Variants in NLRP4 observed in about 807,000 individuals in gnomAD.
The protein encoded by NLRP4 is NLR family pyrin domain containing 4.
A neutral mutation model predicts 84.7 loss-of-function variants in NLRP4; 44 were observed. The observed-to-expected ratio is 0.52, with a 90% CI of 0.41 to 0.67. The LOEUF (loss-of-function observed/expected upper bound fraction) is 0.67. NLRP4 is among the 30% of genes least tolerant of loss of function. The probability of loss-of-function intolerance (pLI) is 0.00; values close to 1 mark genes in which losing one functional copy is unlikely to be tolerated. For synonymous variants in NLRP4, 544 were observed against 476.4 expected, an observed-to-expected ratio of 1.14 and a Z score of -1.85; for missense variants, 1,260 against 1,219.4, an observed-to-expected ratio of 1.03 and a Z score of -0.50.
chr19:55,879,597 C>T (rs1440067085), intron 9 of NLRP4, among the ~76,000 whole-genome samples: 2 of 152,174 alleles, frequency 1.3e-5, no homozygotes, highest in Non-Finnish European at 1.5e-5. Flanking sequence ...ATGGTGCTTC[C>T]ATGGTGAACA....
At chr19:55,876,959 A>G in intron 7 of NLRP4, 37 bp from the exon 8 acceptor site, 1 of 1,571,738 alleles carries the variant, frequency 6.4e-7, no homozygotes, top group Non-Finnish European at 8.7e-7. Context: ...ACTGAGGTGT[A>G]ATAGCCTTTA....
intron 4 of NLRP4, 42 bp from the exon 5 acceptor site, chr19:55,861,950 C>G (rs758473565): frequency 1.5e-6 from 2 of 1,367,526 alleles, no homozygotes; most frequent in African/African-American, 2.9e-5. Flanking sequence ...GGCTGTGCTC[C>G]CATTAGATGA....
chr19:55,875,562 G>A (rs1412165628), intron 7 of NLRP4, among the ~76,000 whole-genome samples: 2 of 152,248 alleles, frequency 1.3e-5, no homozygotes, highest in South Asian at 2.1e-4. Flanking sequence ...TTCAAAGATT[G>A]AAATATTCAG....
chr19:55,840,763 G>C (rs1403626528), intron 1 of NLRP4, among the ~76,000 whole-genome samples: 2 of 152,068 alleles, frequency 1.3e-5, no homozygotes, highest in Non-Finnish European at 2.9e-5. Context: ...CTCTCTTCCT[G>C]GTAATTTGAG....
chr19:55,867,993 C>A, intron 6 of NLRP4, 117 bp downstream of exon 6: 2 of 883,568 alleles, frequency 2.3e-6, no homozygotes, highest in Non-Finnish European at 3.5e-6. Flanking sequence ...TAAAAGCTCA[C>A]GCTTAAGAAT....
intron 1 of NLRP4, among the ~76,000 whole-genome samples, chr19:55,848,957 G>C (rs535274906): frequency 6.6e-6 from 1 of 152,148 alleles, no homozygotes; most frequent in Non-Finnish European, 1.5e-5. Context: ...CTGCCGCCAT[G>C]TAAGATGTGC....
At chr19:55,866,985 G>C (rs1411206604) in intron 5 of NLRP4, among the ~76,000 whole-genome samples, 2 of 152,112 alleles carry the variant, frequency 1.3e-5, no homozygotes, top group African/African-American at 2.4e-5. Context: ...GCATATAACT[G>C]ACACTGTGCG....
rs373426933 is a variant in NLRP4 at position 55,852,237 on chromosome 19, G to A, written c.157G>A (p.Glu53Lys). The A allele has an allele frequency of 1.2e-4, 186 of 1,609,942 alleles. No homozygotes were observed. The highest frequency in any genetic ancestry group is 1.5e-4 in the Non-Finnish European group (179 of 1,178,964). The change falls in exon 2 of 10, where the codon GAA (glutamate) becomes AAA (lysine). Residue 53 changes from glutamate to lysine, a missense_variant. Glu to Lys is a moderately conservative substitution (Grantham distance 56). Around this residue, in one of 3 missense-constraint regions of NLRP4, gnomAD observed 712 missense variants for 669.2 expected, o/e 1.06. Coordinates refer to ENST00000301295, the MANE Select transcript of NLRP4 (RefSeq NM_134444.5). ...PWTEVKKASR[E>K]ELANLLIKHY... is the part of the protein sequence containing the mutation. ...GACTGAGGTCAAAAAAGCATCCCGG[G>A]AAGAACTTGCAAACCTCTTGATCAA... is the stretch of plus-strand genomic sequence containing the variant.
chr19:55,853,939 C>T (rs569995227), intron 2 of NLRP4, among the ~76,000 whole-genome samples: 2 of 150,800 alleles, frequency 1.3e-5, no homozygotes, highest in East Asian at 2.0e-4. Flanking sequence ...TTCTCTCTCT[C>T]TTTCTGTCTT....
At chr19:55,844,998 A>C (rs934865450) in intron 1 of NLRP4, among the ~76,000 whole-genome samples, 5 of 152,036 alleles carry the variant, frequency 3.3e-5, no homozygotes, top group Non-Finnish European at 5.9e-5. Flanking sequence ...GGAGGTATTA[A>C]TATTTCAGCC....
chr19:55,846,430 A>T lies in NLRP4; in HGVS notation c.-65-5586A>T, dbSNP rs150368297. On this transcript the variant is annotated intron_variant, in intron 1 of 9. Coordinates refer to ENST00000301295, the MANE Select transcript of NLRP4 (RefSeq NM_134444.5). ...CTTGACACTGTCTCCACATCAAGAA[A>T]AGTCCAACTCTAGTTGCCTGCTTCT... Among the ~76,000 whole-genome samples the T allele has an allele frequency of 2.6e-5, 4 of 152,250 alleles. No homozygotes were observed. The East Asian group carries it at 7.7e-4, about 29-fold the overall frequency.
chr19:55,838,071 C>T (rs1983448866), intron 1 of NLRP4, among the ~76,000 whole-genome samples: 1 of 142,530 alleles, frequency 7.0e-6, no homozygotes, highest in African/African-American at 2.7e-5. Flanking sequence ...ATAATCCCAG[C>T]ACTTTGGGAG....
At chr19:55,855,387 A>G (rs1453300927) in intron 2 of NLRP4, among the ~76,000 whole-genome samples, 1 of 152,216 alleles carries the variant, frequency 6.6e-6, no homozygotes, top group Admixed American at 6.5e-5. Context: ...GCAACCAAAC[A>G]TGTCACCGAA....
At chr19:55,880,201 G>A (rs545716283) in intron 9 of NLRP4, among the ~76,000 whole-genome samples, 1 of 152,164 alleles carries the variant, frequency 6.6e-6, no homozygotes, top group East Asian at 1.9e-4. Flanking sequence ...TGAAGATACA[G>A]GTTTGTTTTC....
chr19:55,850,768 TCCG>T (rs1984077137), intron 1 of NLRP4, among the ~76,000 whole-genome samples: 1 of 37,278 alleles, frequency 2.7e-5, no homozygotes, highest in Non-Finnish European at 4.3e-5. Flanking sequence ...CGGTGTAATT[TCCG>T]AGGCTGCGGT....
chr19:55,850,010 CG>C (rs1983989790), intron 1 of NLRP4, among the ~76,000 whole-genome samples: 3 of 144,322 alleles, frequency 2.1e-5, no homozygotes, highest in Non-Finnish European at 4.5e-5. Flanking sequence ...GTGTGATTTC[CG>C]AGACTGCGGT....
intron 2 of NLRP4, among the ~76,000 whole-genome samples, chr19:55,852,625 T>C (rs1277354160): frequency 2.0e-5 from 3 of 151,906 alleles, no homozygotes; most frequent in Non-Finnish European, 2.9e-5. Context: ...TACAGGCGCC[T>C]GCCACCATGC....
In NLRP4 at chr19:55,858,676, A is replaced by G; in HGVS notation, c.1283A>G (p.Asp428Gly). The G allele has an allele frequency of 6.2e-7, 1 of 1,614,164 alleles. No individual in the cohort carries two copies. Among genetic ancestry groups the G allele is most frequent in the Non-Finnish European group, 8.5e-7 (1 of 1,180,026 alleles). ...CGGAGAAATGGGGTTGTTGACGCTG[A>G]CATCCCTGCGCTGCTGGGCACCAAG... is the stretch of plus-strand genomic sequence containing the variant. ...DLRRNGVVDA[D>G]IPALLGTKIL... The change falls in exon 3 of 10, where the codon GAC becomes GGC. Residue 428 changes from aspartate (D) to glycine (G), a missense_variant. Physicochemically the swap from Asp to Gly is moderately conservative, Grantham distance 94. Around this residue, in one of 3 missense-constraint regions of NLRP4, gnomAD observed 712 missense variants for 669.2 expected, o/e 1.06. Transcript: ENST00000301295. The surrounding 1 kb of genome is among the most constrained non-coding windows in gnomAD (Gnocchi z 4.2).
At position 55,878,979 on chromosome 19, in the gene NLRP4, G is replaced by A; in HGVS notation, c.2867+15G>A. ...CAGGTGCTCGGGTGAGCTGGGGTCT[G>A]TTGTGCTCTATGGGCAGAGTGCTCC... On this transcript the variant is annotated intron_variant, in intron 9 of 9. Coordinates refer to ENST00000301295, the MANE Select transcript of NLRP4 (RefSeq NM_134444.5). The A allele has an allele frequency of 6.2e-7, 1 of 1,605,866 alleles. No homozygotes were observed.
Sources: gnomAD v4.1 joint callset for allele counts (sites outside exome capture counted in the v4.1 genomes callset) on GRCh38, gnomAD v4.1.1 for gene constraint, gnomAD v4.1.1 regional missense constraint, Gnocchi (gnomAD v3.1) non-coding constraint, MANE v1.5 for transcripts, NCBI Gene and HGNC (gene_info 2026-07-23, HGNC 2026-07-21) for gene names.